MDGA2: variants seen among roughly 807,000 people sequenced by gnomAD.
MDGA2 encodes the protein MAM domain-containing glycosylphosphatidylinositol anchor protein 2.
Under a neutral mutation model 117.8 loss-of-function variants are expected in MDGA2, and 40 were observed. The observed-to-expected ratio is 0.34, with a 90% CI of 0.26 to 0.44. MDGA2 has a LOEUF of 0.44. Among genes scored for constraint, MDGA2 ranks in the 20% least tolerant of loss-of-function variants. The pLI is 1.00. For missense variants in MDGA2, 1,123 were observed against 1,250.6 expected, an observed-to-expected ratio of 0.90 and a Z score of 1.54; for synonymous variants, 452 against 439.0, an observed-to-expected ratio of 1.03 and a Z score of -0.37.
chr14:47,286,154 C>T (rs1287905710), intron 2 of MDGA2, among the ~76,000 whole-genome samples: 1 of 151,960 alleles, frequency 6.6e-6, no homozygotes, highest in Non-Finnish European at 1.5e-5. Flanking sequence ...TTGATACAAG[C>T]ATACAGTATG....
intron 3 of MDGA2, among the ~76,000 whole-genome samples, chr14:47,164,659 T>C (rs1364382223): frequency 6.6e-6 from 1 of 152,186 alleles, no homozygotes; most frequent in African/African-American, 2.4e-5. Flanking sequence ...GGTAGGACTG[T>C]AAACTAGTTC....
chr14:47,052,692 C>T (rs1002329575), intron 7 of MDGA2, among the ~76,000 whole-genome samples: 25 of 151,806 alleles, frequency 1.6e-4, no homozygotes, highest in African/African-American at 5.8e-4. Context: ...TTAAATAATC[C>T]CTTTCACTCC....
At chr14:47,175,197 C>T (rs1415242888) in intron 3 of MDGA2, among the ~76,000 whole-genome samples, 1 of 151,538 alleles carries the variant, frequency 6.6e-6, no homozygotes, top group African/African-American at 2.4e-5. Flanking sequence ...CAGATGGATT[C>T]ACAGCCGAAT....
intron 6 of MDGA2, among the ~76,000 whole-genome samples, chr14:47,079,974 GC>G (rs1414533342): frequency 6.6e-6 from 1 of 151,830 alleles, no homozygotes; most frequent in Admixed American, 6.6e-5. Context: ...CTCGTGATCC[GC>G]CCGCCTCGGC....
intron 6 of MDGA2, among the ~76,000 whole-genome samples, chr14:47,064,930 G>A (rs1566602383): frequency 6.6e-6 from 1 of 151,944 alleles, no homozygotes; most frequent in Non-Finnish European, 1.5e-5. Flanking sequence ...AGGTCCAATA[G>A]ACTTATTGAG....
intron 15 of MDGA2, among the ~76,000 whole-genome samples, chr14:46,848,679 A>C (rs1246442093): frequency 6.6e-6 from 1 of 151,842 alleles, no homozygotes; most frequent in East Asian, 1.9e-4. Context: ...AGAGCAGTGA[A>C]ATTGTGAAAG....
intron 8 of MDGA2, among the ~76,000 whole-genome samples, chr14:47,031,211 A>AATATATATATATATATATATTT (rs71448159): frequency 7.3e-6 from 1 of 136,128 alleles, no homozygotes; most frequent in Non-Finnish European, 1.6e-5. Context: ...ATTATTTAGA[A>AATATATATATATATATATATTT]ATATATATAT....
At chr14:47,660,982 A>C (rs2138291410) in intron 1 of MDGA2, among the ~76,000 whole-genome samples, 1 of 152,298 alleles carries the variant, frequency 6.6e-6, no homozygotes, top group East Asian at 1.9e-4. Context: ...AAGAAAGAAA[A>C]CCATATGGTA....
At chr14:46,900,519 A>T (rs145765849) in intron 10 of MDGA2, among the ~76,000 whole-genome samples, 86 of 152,302 alleles carry the variant, frequency 5.6e-4, no homozygotes, top group African/African-American at 1.8e-3. Context: ...TTAGAATACT[A>T]CTCAACCATG....
At chr14:47,485,726 C>CG (rs1894047173) in intron 1 of MDGA2, among the ~76,000 whole-genome samples, 1 of 152,074 alleles carries the variant, frequency 6.6e-6, no homozygotes, top group Non-Finnish European at 1.5e-5. Flanking sequence ...GTTCCAGCTG[C>CG]GGCTGAAAGG....
At chr14:46,916,356 C>T (rs1336661554) in intron 10 of MDGA2, among the ~76,000 whole-genome samples, 2 of 151,836 alleles carry the variant, frequency 1.3e-5, no homozygotes, top group African/African-American at 4.8e-5. Flanking sequence ...TAACTGGCTT[C>T]GAGATCTTGA....
At chr14:47,471,035 T>C (rs762013769) in intron 1 of MDGA2, among the ~76,000 whole-genome samples, 7 of 152,138 alleles carry the variant, frequency 4.6e-5, no homozygotes, top group Non-Finnish European at 8.8e-5. Flanking sequence ...ACTTCTCTAC[T>C]TGGGGTGGTA....
At chr14:47,255,311 A>C (rs1265022652) in intron 2 of MDGA2, among the ~76,000 whole-genome samples, 2 of 152,190 alleles carry the variant, frequency 1.3e-5, no homozygotes, top group Non-Finnish European at 2.9e-5. Flanking sequence ...TTGACTAGAC[A>C]AACAACCCTC....
chr14:47,170,659 A>T (rs914578035), intron 3 of MDGA2, among the ~76,000 whole-genome samples: 24 of 152,290 alleles, frequency 1.6e-4, no homozygotes, highest in African/African-American at 5.8e-4. Flanking sequence ...TAGAACTTTA[A>T]TGCATTATTA....
chr14:47,348,054 A>C (rs1890796199), intron 1 of MDGA2, among the ~76,000 whole-genome samples: 1 of 152,040 alleles, frequency 6.6e-6, no homozygotes, highest in Non-Finnish European at 1.5e-5. Flanking sequence ...ACTTTTTCAT[A>C]AAAAGCCTGT....
At chr14:47,205,803 T>C (rs2139459206) in intron 3 of MDGA2, among the ~76,000 whole-genome samples, 1 of 152,152 alleles carries the variant, frequency 6.6e-6, no homozygotes, top group South Asian at 2.1e-4. Context: ...ACTACAACAA[T>C]TATCTTAACT....
At chr14:47,042,905 C>G (rs192821340) in intron 7 of MDGA2, among the ~76,000 whole-genome samples, 25 of 152,170 alleles carry the variant, frequency 1.6e-4, no homozygotes, top group African/African-American at 5.5e-4. Context: ...ATATACCTCA[C>G]AGATGATGTG....
chr14:46,938,540 C>CAAAAAAAAAAAAAAAAAAAAAAAAAAAAA lies in MDGA2; in HGVS notation c.2090-18381_2090-18380insTTTTTTTTTTTTTTTTTTTTTTTTTTTTT, dbSNP rs71112472. On this transcript the variant is annotated intron_variant, in intron 9 of 16. Transcript: ENST00000399232. ...GGGCAACAAGAACGAAAATCCATCTCAAAAAAAAAAAAAAAAAAAAGAGAC... is the reference window on the plus strand; with the variant it reads ...GGGCAACAAGAACGAAAATCCATCTCAAAAAAAAAAAAAAAAAAAAAAAAAAAAAAAAAAAAAAAAAAAAAAAAAGAGAC... 2.8e-3 allele frequency among the ~76,000 whole-genome samples: 76 copies of CAAAAAAAAAAAAAAAAAAAAAAAAAAAAA among 26,982 alleles called. 6 individuals are homozygous for CAAAAAAAAAAAAAAAAAAAAAAAAAAAAA. The highest frequency in any genetic ancestry group is 4.6e-3 in the Non-Finnish European group (52 of 11,388). 17.7% of individuals were successfully genotyped at this position (26,982 alleles called of 152,430 possible).
At chr14:47,311,036 T>C (rs1889617891) in intron 1 of MDGA2, among the ~76,000 whole-genome samples, 3 of 152,114 alleles carry the variant, frequency 2.0e-5, no homozygotes, top group Admixed American at 6.6e-5. Context: ...GAACCAAATC[T>C]TCCTTGCCTC....
Sources: gnomAD v4.1 joint callset for allele counts (sites outside exome capture counted in the v4.1 genomes callset) on GRCh38, gnomAD v4.1.1 for gene constraint, MANE v1.5 for transcripts, NCBI Gene and HGNC (gene_info 2026-07-23, HGNC 2026-07-21) for gene names.